Variants in PDE4D observed in about 807,000 individuals in gnomAD.
PDE4D encodes 3',5'-cyclic-AMP phosphodiesterase 4D.
A neutral mutation model predicts 87.4 loss-of-function variants in PDE4D; 24 were observed. The observed-to-expected ratio is 0.27, with a 90% CI of 0.20 to 0.39. The LOEUF is 0.39. Among genes scored for constraint, PDE4D ranks in the 10% least tolerant of loss-of-function variants. PDE4D has a pLI of 1.00. For missense variants in PDE4D, 714 were observed against 1,041.0 expected (o/e 0.69, Z 4.32); for synonymous variants, 384 against 383.2 (o/e 1.00, Z -0.02).
At position 59,092,358 on chromosome 5, in the gene PDE4D, G is replaced by A. The variant is rs529748816; in HGVS notation, c.809-53387C>T. Among the ~76,000 whole-genome samples the A allele has an allele frequency of 2.7e-4, 41 of 152,192 alleles. 1 individual carries two copies. Among genetic ancestry groups the A allele is most frequent in the African/African-American group, 8.4e-4 (35 of 41,538 alleles). On this transcript the variant is annotated intron_variant, in intron 5 of 14. Coordinates refer to ENST00000340635, the MANE Select transcript of PDE4D (RefSeq NM_001104631.2). Reference sequence around the variant, plus strand: ...TAAGAGTACAGAATTCAAATAGATCGTCTGTGGGTGTATATAATGATGAGT... The same window carrying A: ...TAAGAGTACAGAATTCAAATAGATCATCTGTGGGTGTATATAATGATGAGT...
chr5:59,749,989 A>G (rs1760183685), intron 1 of PDE4D, among the ~76,000 whole-genome samples: 1 of 152,106 alleles, frequency 6.6e-6, no homozygotes, highest in African/African-American at 2.4e-5. Flanking sequence ...CCACAAACTT[A>G]AGAGTTATTC....
intron 1 of PDE4D, among the ~76,000 whole-genome samples, chr5:60,237,000 C>T (rs546635303): frequency 6.6e-6 from 1 of 151,942 alleles, no homozygotes; most frequent in African/African-American, 2.4e-5. Flanking sequence ...AAAACTAGTA[C>T]ATTATCCATC....
intron 1 of PDE4D, among the ~76,000 whole-genome samples, chr5:59,649,600 A>G (rs1174302115): frequency 1.3e-5 from 2 of 152,124 alleles, no homozygotes; most frequent in Non-Finnish European, 2.9e-5. Flanking sequence ...GAATCAAGAC[A>G]GGAAACAAAA....
intron 1 of PDE4D, among the ~76,000 whole-genome samples, chr5:59,327,945 A>C (rs1267184478): frequency 6.6e-6 from 1 of 152,200 alleles, no homozygotes; most frequent in Admixed American, 6.6e-5. Flanking sequence ...GATAATGGTA[A>C]GAAAAATTAC....
chr5:60,322,265 G>A (rs945203871), intron 1 of PDE4D, among the ~76,000 whole-genome samples: 6 of 151,982 alleles, frequency 3.9e-5, no homozygotes, highest in Non-Finnish European at 5.9e-5. Flanking sequence ...CATGGTTGAA[G>A]CTGGAGGCCA....
At chr5:59,588,871 A>T (rs898386610) in intron 1 of PDE4D, among the ~76,000 whole-genome samples, 1 of 152,208 alleles carries the variant, frequency 6.6e-6, no homozygotes, top group African/African-American at 2.4e-5. Flanking sequence ...CCATAAGGTC[A>T]TTTGTAATCT....
chr5:59,455,709 C>G (rs1310305989), intron 1 of PDE4D, among the ~76,000 whole-genome samples: 3 of 152,218 alleles, frequency 2.0e-5, no homozygotes, highest in African/African-American at 7.2e-5. Context: ...AGCAGACACT[C>G]AACACCAGCC....
chr5:59,281,019 C>G (rs1284972878), intron 1 of PDE4D, among the ~76,000 whole-genome samples: 2 of 152,132 alleles, frequency 1.3e-5, no homozygotes, highest in Non-Finnish European at 2.9e-5. Flanking sequence ...CCTTCTCCTA[C>G]TCTTTGCTTA....
In PDE4D at chr5:60,217,329, G is replaced by A. The variant is rs569732697; in HGVS notation, c.-89-31642C>T. 1.1e-4 allele frequency among the ~76,000 whole-genome samples: 17 copies of A among 151,852 alleles called. 1 individual carries two copies. In the South Asian group the frequency reaches 3.3e-3, roughly 30 times the overall value. ...TAAAATAAAAAGAGTTCTGGAGATG[G>A]GTAATGATTATGGTTTTACAACATT... On this transcript the variant is annotated intron_variant, in intron 1 of 16. Coordinates refer to the PDE4D transcript ENST00000502484.
intron 6 of PDE4D, among the ~76,000 whole-genome samples, chr5:59,024,783 GAGATCTT>G (rs1238085037): frequency 6.6e-6 from 1 of 152,030 alleles, no homozygotes; most frequent in Non-Finnish European, 1.5e-5. Flanking sequence ...TACCCTTATG[GAGATCTT>G]AGATCTTAGA....
chr5:59,851,831 G>A (rs1411301450), intron 1 of PDE4D, among the ~76,000 whole-genome samples: 1 of 151,942 alleles, frequency 6.6e-6, no homozygotes, highest in Non-Finnish European at 1.5e-5. Flanking sequence ...AGTCACAAGT[G>A]ACTGAATTCT....
At chr5:59,556,864 T>C (rs1415860792) in intron 1 of PDE4D, among the ~76,000 whole-genome samples, 1 of 151,522 alleles carries the variant, frequency 6.6e-6, no homozygotes, top group Non-Finnish European at 1.5e-5. Context: ...GATGGAAGGA[T>C]GGAAGGGAGG....
intron 1 of PDE4D, among the ~76,000 whole-genome samples, chr5:59,304,197 G>T (rs1770824145): frequency 6.6e-6 from 1 of 151,864 alleles, no homozygotes; most frequent in South Asian, 2.1e-4. Flanking sequence ...TTCTCCCCTT[G>T]GTCACTGTTG....
At chr5:59,934,510 C>T (rs1756344249) in intron 3 of PDE4D, among the ~76,000 whole-genome samples, 1 of 152,148 alleles carries the variant, frequency 6.6e-6, no homozygotes. Flanking sequence ...AATTTTATTA[C>T]TGACAACAAC....
At chr5:60,070,800 A>T (rs1470357670) in intron 2 of PDE4D, among the ~76,000 whole-genome samples, 1 of 152,026 alleles carries the variant, frequency 6.6e-6, no homozygotes, top group Non-Finnish European at 1.5e-5. Context: ...CAGTGAAGCC[A>T]CCTGGTACTG....
At chr5:59,328,457 T>C (rs1288678016) in intron 1 of PDE4D, among the ~76,000 whole-genome samples, 1 of 152,238 alleles carries the variant, frequency 6.6e-6, no homozygotes, top group Admixed American at 6.5e-5. Flanking sequence ...TGATTTATCT[T>C]GTTTGAAAAA....
At chr5:60,364,489 T>C (rs1760354679) in intron 1 of PDE4D, among the ~76,000 whole-genome samples, 1 of 152,210 alleles carries the variant, frequency 6.6e-6, no homozygotes, top group Admixed American at 6.5e-5. Flanking sequence ...ACTTATTTAA[T>C]TGTAAATTAA....
rs534786557 is a variant in PDE4D, at chr5:59,408,763, T to A, written c.456-192795A>T. On this transcript the variant is annotated intron_variant, in intron 1 of 14. Coordinates refer to ENST00000340635, the MANE Select transcript of PDE4D (RefSeq NM_001104631.2). Reference sequence around the variant, plus strand: ...GACATGGAGTCAAAGGAGATTATTTTAGAACTTTAAGATTTAATGACTGTC... The same window carrying A: ...GACATGGAGTCAAAGGAGATTATTTAAGAACTTTAAGATTTAATGACTGTC... Among the ~76,000 whole-genome samples, 6 of 152,316 alleles carry A rather than the reference T, an allele frequency of 3.9e-5. No individual in the cohort carries two copies. The East Asian group carries it at 9.7e-4, about 25-fold the overall frequency.
chr5:59,157,798 G>A (rs770144469), intron 5 of PDE4D, among the ~76,000 whole-genome samples: 2 of 152,182 alleles, frequency 1.3e-5, no homozygotes, highest in African/African-American at 4.8e-5. Flanking sequence ...ACTACCATAT[G>A]CCAATAACTG....
Sources: allele counts gnomAD v4.1 joint callset (sites outside exome capture counted in the v4.1 genomes callset), GRCh38; gene constraint gnomAD v4.1.1; transcripts MANE v1.5; gene names NCBI Gene and HGNC (gene_info 2026-07-23, HGNC 2026-07-21).